Variants in DDO observed in about 807,000 individuals in gnomAD.
DDO encodes the protein D-aspartate oxidase.
DDO carries 16 observed loss-of-function variants against 16.8 expected under a neutral mutation model. That is an observed-to-expected ratio of 0.95 (90% CI 0.65 to 1.45). DDO has a LOEUF of 1.45. Ranked by LOEUF, DDO falls within the 40% of genes most tolerant of loss-of-function variation. The pLI is 0.00. For missense variants in DDO, 429 were observed against 420.3 expected (o/e 1.02, Z -0.18); for synonymous variants, 180 against 167.2 (o/e 1.08, Z -0.59).
At chr6:110,394,262 G>A (rs1773216434) in intron 4 of DDO, among the ~76,000 whole-genome samples, 1 of 152,016 alleles carries the variant, frequency 6.6e-6, no homozygotes, top group African/African-American at 2.4e-5. Context: ...GTGCCACCAT[G>A]CCCGGCTAAT....
intron 4 of DDO, among the ~76,000 whole-genome samples, chr6:110,396,497 A>G (rs1005652849): frequency 1.3e-5 from 2 of 152,174 alleles, no homozygotes; most frequent in Non-Finnish European, 2.9e-5. Context: ...AAACAACAGA[A>G]CCTAAATTCG....
At chr6:110,402,978 A>G (rs1276028546) in intron 4 of DDO, among the ~76,000 whole-genome samples, 1 of 152,198 alleles carries the variant, frequency 6.6e-6, no homozygotes, top group Non-Finnish European at 1.5e-5. Flanking sequence ...CAAAAATCCA[A>G]GATGAGAAAG....
chr6:110,404,421 T>C (rs1773578613), intron 4 of DDO, among the ~76,000 whole-genome samples: 1 of 152,264 alleles, frequency 6.6e-6, no homozygotes, highest in Admixed American at 6.5e-5. Context: ...CATATCATTC[T>C]GTAGCTGGAA....
At position 110,392,502 on chromosome 6, in the gene DDO, T is replaced by G. The variant is rs1424465527; in HGVS notation, c.*273A>C. The G allele has an allele frequency of 1.0e-5, 12 of 1,145,912 alleles. No homozygotes were observed. Among genetic ancestry groups the G allele is most frequent in the South Asian group, 4.3e-5 (1 of 23,168 alleles). 71.0% of individuals were successfully genotyped at this position (1,145,912 alleles called of 1,614,324 possible). A position where few individuals can be genotyped will look rare whatever the true frequency, so the allele number is the denominator to read the frequency against. On this transcript the variant is annotated 3_prime_UTR_variant, in exon 5 of 5. Coordinates refer to ENST00000368924, the MANE Select transcript of DDO (RefSeq NM_001372108.2). ...ACATGTTGCATCATTTCTTTTGTTGTTGGTGTTTTTTTTAGAGGTGGGAAC... is the reference window on the plus strand; with the variant it reads ...ACATGTTGCATCATTTCTTTTGTTGGTGGTGTTTTTTTTAGAGGTGGGAAC...
intron 3 of DDO, among the ~76,000 whole-genome samples, chr6:110,408,003 T>G (rs9374173): frequency 6.6e-6 from 1 of 152,334 alleles, no homozygotes; most frequent in East Asian, 1.9e-4. Context: ...CCATCGGCTG[T>G]ACCATCCCCA....
In DDO at chr6:110,410,467, G is replaced by A. The variant is rs147832661; in HGVS notation, c.173-2025C>T. On this transcript the variant is annotated intron_variant, in intron 2 of 4. Transcript: ENST00000368924. The stretch of plus-strand genomic sequence containing the variant: ...TCACACTGCTAATAAAGACATACCC[G>A]AGACAGGGTAATTTATAAAGGAAAG... 1.4e-3 allele frequency among the ~76,000 whole-genome samples: 215 copies of A among 152,342 alleles called. 2 individuals carry two copies. Among genetic ancestry groups the A allele is most frequent in the African/African-American group, 4.8e-3 (201 of 41,576 alleles).
chr6:110,393,248 G>A lies in DDO; in HGVS notation c.553C>T (p.Leu185Phe). Residue 185 changes from leucine to phenylalanine, a missense_variant, in exon 5 of 5, where the codon CTT becomes TTT. Leu to Phe is a conservative substitution (Grantham distance 22). Coordinates refer to ENST00000368924, the MANE Select transcript of DDO (RefSeq NM_001372108.2). ...SFDIVVNCSG[L>F]GSRQLAGDSK... ...TCTCCTGCAAGCTGTCTGCTTCCAAGGCCTGAACAGTTGACCACGATGTCA... is the reference window on the plus strand; with the variant it reads ...TCTCCTGCAAGCTGTCTGCTTCCAAAGCCTGAACAGTTGACCACGATGTCA... The A allele has an allele frequency of 6.2e-7, 1 of 1,614,180 alleles. No individual in the cohort carries two copies. Among genetic ancestry groups the A allele is most frequent in the South Asian group, 1.1e-5 (1 of 91,090 alleles).
intron 4 of DDO, among the ~76,000 whole-genome samples, chr6:110,403,578 T>C (rs1773553164): frequency 6.6e-6 from 1 of 152,198 alleles, no homozygotes; most frequent in African/African-American, 2.4e-5. Flanking sequence ...TTTATGAAAC[T>C]AGAACTTACA....
intron 2 of DDO, 100 bp downstream of exon 2, chr6:110,413,191 C>A: frequency 7.3e-7 from 1 of 1,371,608 alleles, no homozygotes; most frequent in Non-Finnish European, 1.0e-6. Flanking sequence ...CTGCATATTA[C>A]ACTTACACCT....
downstream of DDO, among the ~76,000 whole-genome samples, chr6:110,388,419 C>T (rs1773050145): frequency 6.6e-6 from 1 of 152,180 alleles, no homozygotes; most frequent in African/African-American, 2.4e-5. Context: ...CATGTTCCAC[C>T]ATCCTTTTCT....
Position 110,393,166 on chromosome 6 carries a change from T to A in DDO, c.635A>T (p.Glu212Val). The change falls in exon 5 of 5, where the codon GAG (glutamate) becomes GTG (valine). Residue 212 changes from glutamate (E) to valine (V), a missense_variant. Transcript: ENST00000368924. Reference protein sequence around the residue: ...QVLQVQAPWVEHFIRDGSGLT... With the variant: ...QVLQVQAPWVVHFIRDGSGLT... ...CCCACTGCCATCTCGGATAAAATGC[T>A]CCACCCAGGGAGCCTGAACTTGGAG... The A allele has an allele frequency of 6.2e-7, 1 of 1,614,240 alleles. No homozygotes were observed. Among genetic ancestry groups the A allele is most frequent in the Non-Finnish European group, 8.5e-7 (1 of 1,180,036 alleles).
At chr6:110,401,220 G>C (rs768605689) in intron 4 of DDO, among the ~76,000 whole-genome samples, 6 of 152,180 alleles carry the variant, frequency 3.9e-5, no homozygotes, top group Non-Finnish European at 5.9e-5. Flanking sequence ...TGTGGTAGAG[G>C]TGTGTTCTTT....
rs778963268 is a variant in DDO at position 110,392,550 on chromosome 6, C to T, written c.*225G>A. The T allele has an allele frequency of 8.2e-6, 10 of 1,216,368 alleles. No homozygotes were observed. In the African/African-American group the frequency reaches 1.4e-4, roughly 17 times the overall value. 75.3% of individuals were successfully genotyped at this position (1,216,368 alleles called of 1,614,324 possible). ...AACTGGCACCTCTAAAAAATGTTAC[C>T]CAGATTGCACTCAAACTCCTGGGCT... On this transcript the variant is annotated 3_prime_UTR_variant, in exon 5 of 5. Coordinates refer to ENST00000368924, the MANE Select transcript of DDO (RefSeq NM_001372108.2).
chr6:110,408,530 G>GA lies in DDO; in HGVS notation c.173-89dup, dbSNP rs1031300655. 1.8e-4 allele frequency: 216 copies of GA among 1,224,134 alleles called. 2 individuals are homozygous for GA. The highest frequency in any genetic ancestry group is 4.1e-4 in the Admixed American group (17 of 41,862). The allele number at this position is 1,224,134 out of a possible 1,614,324, so 75.8% of individuals were successfully genotyped here. On this transcript the variant is annotated intron_variant, in intron 2 of 4. Coordinates refer to ENST00000368924, the MANE Select transcript of DDO (RefSeq NM_001372108.2). ...AAATAAGCTCCTTCCTAGAAACTTGGAAAAAAAATAAGGAGGCAAAAATAA... is the reference window on the plus strand; with the variant it reads ...AAATAAGCTCCTTCCTAGAAACTTGGAAAAAAAAATAAGGAGGCAAAAATAA...
At chr6:110,388,647 C>A, downstream of DDO, 1 of 266,772 alleles carries the variant, frequency 3.7e-6, no homozygotes, top group Non-Finnish European at 5.8e-6. Context: ...AATCCTAAAA[C>A]TTTGTGCATA....
intron 4 of DDO, among the ~76,000 whole-genome samples, chr6:110,399,600 C>T (rs899512047): frequency 6.6e-6 from 1 of 151,836 alleles, no homozygotes; most frequent in African/African-American, 2.4e-5. Context: ...AGAGGAGTCC[C>T]GTGCTGCAAA....
chr6:110,415,317 G>T, intron 1 of DDO, 150 bp downstream of exon 1: 1 of 1,032,114 alleles, frequency 9.7e-7, no homozygotes, highest in Non-Finnish European at 1.4e-6. Flanking sequence ...AGAATAACCA[G>T]CTGCCAGGGA....
chr6:110,390,518 C>A (rs1209211458), downstream of DDO, among the ~76,000 whole-genome samples: 1 of 152,202 alleles, frequency 6.6e-6, no homozygotes, highest in East Asian at 1.9e-4. Context: ...TCTCAAGAAG[C>A]CTCCAGTCTT....
chr6:110,400,667 A>G (rs192842428), intron 4 of DDO, among the ~76,000 whole-genome samples: 1 of 152,344 alleles, frequency 6.6e-6, no homozygotes, highest in Admixed American at 6.5e-5. Context: ...GGAGTTAAGC[A>G]TTTGCATTTC....
Sources: allele counts gnomAD v4.1 joint callset (sites outside exome capture counted in the v4.1 genomes callset), GRCh38; gene constraint gnomAD v4.1.1; transcripts MANE v1.5; gene names NCBI Gene and HGNC (gene_info 2026-07-23, HGNC 2026-07-21).